Variants in ZFHX3 observed in about 807,000 individuals in gnomAD.
The protein encoded by ZFHX3 is zinc finger homeobox protein 3.
ZFHX3 carries 42 observed loss-of-function variants against 279.1 expected under a neutral mutation model. The ratio of observed to expected loss-of-function variants is 0.15; its 90% CI spans 0.12 to 0.19. The LOEUF (loss-of-function observed/expected upper bound fraction) is 0.19. Among genes scored for constraint, ZFHX3 ranks in the 10% least tolerant of loss-of-function variants. The probability of loss-of-function intolerance (pLI) is 1.00; values close to 1 mark genes in which losing one functional copy is unlikely to be tolerated. For missense variants in ZFHX3, 4,981 were observed against 4,754.0 expected, an observed-to-expected ratio of 1.05 and a Z score of -1.40; for synonymous variants, 2,293 against 1,957.8, an observed-to-expected ratio of 1.17 and a Z score of -4.52.
intron 3 of ZFHX3, among the ~76,000 whole-genome samples, chr16:73,361,915 GA>G (rs547643820): frequency 6.6e-6 from 1 of 151,906 alleles, no homozygotes; most frequent in Non-Finnish European, 1.5e-5. Context: ...GACATGGTCT[GA>G]AAAAAAATCA....
intron 7 of ZFHX3, among the ~76,000 whole-genome samples, chr16:73,094,187 C>G (rs1334255438): frequency 6.6e-6 from 1 of 152,172 alleles, no homozygotes; most frequent in African/African-American, 2.4e-5. Context: ...CAGCAGCATT[C>G]TTTTTGGAAA....
At chr16:73,666,106 G>T (rs1383180597) in intron 2 of ZFHX3, among the ~76,000 whole-genome samples, 1 of 151,728 alleles carries the variant, frequency 6.6e-6, no homozygotes, top group South Asian at 2.1e-4. Flanking sequence ...GTGAGCCACC[G>T]CACCCAGCTG....
intron 5 of ZFHX3, among the ~76,000 whole-genome samples, chr16:73,168,268 T>TTTCTTTC (rs1967438909): frequency 6.7e-6 from 1 of 150,302 alleles, no homozygotes; most frequent in East Asian, 1.9e-4. Context: ...TCTTTCTTTC[T>TTTCTTTC]TTCTTTCTTT....
Position 72,797,486 on chromosome 16 carries a change from TTGCTGTTGC to T in ZFHX3, c.5187_5195del (p.Gln1739_Gln1741del), listed in dbSNP as rs767001931. 1.9e-6 allele frequency: 3 copies of T among 1,610,858 alleles called. No homozygotes were observed. Among genetic ancestry groups the T allele is most frequent in the South Asian group, 1.1e-5 (1 of 90,872 alleles). On this transcript the variant is annotated inframe_deletion, in exon 9 of 10. Transcript: ENST00000268489. ...GTTGTTGTTGTTGTTGTTGTTGTTG[TTGCTGTTGC>T]TGCTGCTGTTGTTGCTGCTGCCTGG...
intron 1 of ZFHX3, among the ~76,000 whole-genome samples, chr16:73,797,814 T>C: frequency 6.9e-6 from 1 of 145,018 alleles, no homozygotes; most frequent in African/African-American, 2.6e-5. Flanking sequence ...AGACTTTTTT[T>C]TTTTTTTTTT....
rs183815160 is a variant in ZFHX3 at position 73,864,001 on chromosome 16, G to C, written c.-1608+27650C>G. On this transcript the variant is annotated intron_variant, in intron 1 of 17. Transcript: ENST00000641206. ...TCAAAACTTACGAATAGTAATTCCAGCTTCAAGTCACAAAGCCAGGGCTTT... is the reference window on the plus strand; with the variant it reads ...TCAAAACTTACGAATAGTAATTCCACCTTCAAGTCACAAAGCCAGGGCTTT... Among the ~76,000 whole-genome samples the C allele has an allele frequency of 5.6e-3, 847 of 152,286 alleles. 1 individual carries two copies. The highest frequency in any genetic ancestry group is 9.6e-3 in the Non-Finnish European group (650 of 68,024).
intron 4 of ZFHX3, among the ~76,000 whole-genome samples, chr16:72,881,194 A>G (rs1057345791): frequency 1.2e-4 from 19 of 152,230 alleles, no homozygotes; most frequent in African/African-American, 4.3e-4. Context: ...CATGAGCCCC[A>G]TGGCACTATT....
chr16:72,858,660 T>C (rs1009689353), intron 4 of ZFHX3, among the ~76,000 whole-genome samples: 1 of 152,234 alleles, frequency 6.6e-6, no homozygotes, highest in Non-Finnish European at 1.5e-5. Flanking sequence ...AATTTATGCC[T>C]GCATGATTAC....
intron 5 of ZFHX3, among the ~76,000 whole-genome samples, chr16:73,177,000 T>A (rs1967680746): frequency 6.6e-6 from 1 of 152,138 alleles, no homozygotes; most frequent in Admixed American, 6.5e-5. Context: ...TTGGAGGCAC[T>A]TGGTCCAATT....
At chr16:72,829,705 C>T in intron 5 of ZFHX3, 74 bp downstream of exon 5, 11 of 1,539,876 alleles carry the variant, frequency 7.1e-6, no homozygotes, top group African/African-American at 1.4e-5. Flanking sequence ...CTCCATTCTT[C>T]CAGGGAAGGA....
intron 2 of ZFHX3, among the ~76,000 whole-genome samples, chr16:73,566,691 T>G: frequency 1.3e-5 from 1 of 74,570 alleles, no homozygotes; most frequent in Non-Finnish European, 2.4e-5. Flanking sequence ...AAGCTAACTT[T>G]TTTTTTTTTT....
intron 2 of ZFHX3, among the ~76,000 whole-genome samples, chr16:73,635,523 G>C (rs1325571652): frequency 6.6e-6 from 1 of 152,152 alleles, no homozygotes; most frequent in Non-Finnish European, 1.5e-5. Flanking sequence ...GGTTTGTAAT[G>C]GTGGGTTGGA....
At chr16:73,715,473 G>A (rs962013402) in intron 1 of ZFHX3, among the ~76,000 whole-genome samples, 3 of 151,044 alleles carry the variant, frequency 2.0e-5, no homozygotes, top group Non-Finnish European at 4.4e-5. Context: ...CTGTGAGAGA[G>A]CTTATGGAGG....
At chr16:73,839,275 T>C (rs1961230453) in intron 1 of ZFHX3, among the ~76,000 whole-genome samples, 1 of 123,856 alleles carries the variant, frequency 8.1e-6, no homozygotes, top group South Asian at 2.6e-4. Flanking sequence ...GGCAGGAGAA[T>C]GGCATGAACC....
At chr16:73,317,436 A>G (rs1049918128) in intron 4 of ZFHX3, among the ~76,000 whole-genome samples, 6 of 152,144 alleles carry the variant, frequency 3.9e-5, no homozygotes, top group Non-Finnish European at 8.8e-5. Context: ...TGGCTATTTT[A>G]CCAGCTATTG....
Position 72,793,115 on chromosome 16 carries a change from A to G in ZFHX3, c.9427+140T>C, listed in dbSNP as rs545722254. On this transcript the variant is annotated intron_variant, in intron 9 of 9. Transcript: ENST00000268489. The surrounding 1 kb of genome is among the most constrained non-coding windows in gnomAD (Gnocchi z 4.3). ...TGGGAGACTCAACAGGAACGAACTG[A>G]AGTCTTGTTGCTTTTAAAGAACTAG... The G allele has an allele frequency of 2.8e-6, 4 of 1,435,452 alleles. No individual in the cohort carries two copies. In the African/African-American group the frequency reaches 5.7e-5, roughly 20 times the overall value. The allele number at this position is 1,435,452 out of a possible 1,614,324, so 88.9% of individuals were successfully genotyped here.
intron 5 of ZFHX3, among the ~76,000 whole-genome samples, chr16:73,185,885 G>A (rs759031536): frequency 6.6e-6 from 1 of 152,108 alleles, no homozygotes; most frequent in Non-Finnish European, 1.5e-5. Context: ...TGGTGCGCAC[G>A]CAAGTGAAGC....
intron 1 of ZFHX3, among the ~76,000 whole-genome samples, chr16:72,980,603 TA>T (rs112283136): frequency 1.1e-3 from 137 of 126,834 alleles, no homozygotes; most frequent in South Asian, 4.8e-3. Context: ...TACCAAAAGT[TA>T]AAAAAAAAAA....
At chr16:72,948,470 C>T (rs1960813912) in intron 3 of ZFHX3, among the ~76,000 whole-genome samples, 1 of 152,194 alleles carries the variant, frequency 6.6e-6, no homozygotes, top group Non-Finnish European at 1.5e-5. Flanking sequence ...CTTCCAACCA[C>T]ACCTCACCCT....
Sources: gnomAD v4.1 joint callset for allele counts (sites outside exome capture counted in the v4.1 genomes callset) on GRCh38, gnomAD v4.1.1 for gene constraint, Gnocchi (gnomAD v3.1) non-coding constraint, MANE v1.5 for transcripts, NCBI Gene and HGNC (gene_info 2026-07-23, HGNC 2026-07-21) for gene names.